Variants in HACD1 observed in about 807,000 individuals in gnomAD.
The protein encoded by HACD1 is very-long-chain (3R)-3-hydroxyacyl-CoA dehydratase 1.
Under a neutral mutation model 32.0 loss-of-function variants are expected in HACD1, and 41 were observed. The observed-to-expected ratio is 1.28, with a 90% confidence interval of 1.00 to 1.66. The LOEUF (loss-of-function observed/expected upper bound fraction) is 1.66. Among genes scored for constraint, HACD1 ranks in the 40% most tolerant of loss-of-function variants. HACD1 has a pLI of 0.00. For missense variants in HACD1, 396 were observed against 380.1 expected (o/e 1.04, Z -0.35); for synonymous variants, 142 against 139.0 (o/e 1.02, Z -0.15).
At chr10:17,610,485 C>T (rs942609559) in intron 1 of HACD1, among the ~76,000 whole-genome samples, 1 of 151,968 alleles carries the variant, frequency 6.6e-6, no homozygotes, top group Non-Finnish European at 1.5e-5. Context: ...CTTGTTTCTA[C>T]AAAAAATTTA....
At chr10:17,607,176 A>G (rs2131516235) in intron 1 of HACD1, among the ~76,000 whole-genome samples, 1 of 152,338 alleles carries the variant, frequency 6.6e-6, no homozygotes, top group African/African-American at 2.4e-5. Context: ...TAGATGAGAT[A>G]ATCATCTTCC....
At chr10:17,614,851 C>T (rs1470735952) in intron 1 of HACD1, among the ~76,000 whole-genome samples, 1 of 152,130 alleles carries the variant, frequency 6.6e-6, no homozygotes, top group Non-Finnish European at 1.5e-5. Context: ...CTCCCGGGTT[C>T]ACGCCATTCT....
intron 5 of HACD1, 32 bp downstream of exon 5, chr10:17,599,258 C>G: frequency 1.9e-6 from 3 of 1,611,862 alleles, no homozygotes; most frequent in Non-Finnish European, 2.5e-6. Context: ...ATGCACAGGA[C>G]AAGGAGAAAC....
rs1833106282 is a variant in HACD1, at chr10:17,617,268, G to A, written c.72C>T (p.Pro24=). 6.8e-7 allele frequency: 1 copy of A among 1,472,260 alleles called. No homozygotes were observed. Among genetic ancestry groups the A allele is most frequent in the Non-Finnish European group, 8.9e-7 (1 of 1,117,572 alleles). The allele number at this position is 1,472,260 out of a possible 1,614,324, so 91.2% of individuals were successfully genotyped here. A position where few individuals can be genotyped will look rare whatever the true frequency, so the allele number is the denominator to read the frequency against. Residue 24 remains proline (P), a synonymous_variant, in exon 1 of 7, where the codon CCC becomes CCT. Transcript: ENST00000361271. ...ACGTGGGAGACAGCGGCAGGAGCGT[G>A]GGAGGGGACCCTGCCCAGCCTGCAG... ...SRAAGWAGSP[P]TLLPLSPTSP...
At chr10:17,608,630 G>A (rs1460009111) in intron 1 of HACD1, among the ~76,000 whole-genome samples, 1 of 151,872 alleles carries the variant, frequency 6.6e-6, no homozygotes, top group Non-Finnish European at 1.5e-5. Flanking sequence ...GGGATTACAG[G>A]TACCTGCCAC....
In HACD1 at chr10:17,603,612, T is replaced by G. The variant is rs782542355; in HGVS notation, c.431A>C (p.Gln144Pro). 1 of 1,613,810 alleles carries G rather than the reference T, an allele frequency of 6.2e-7. No individual in the cohort carries two copies. Among genetic ancestry groups the G allele is most frequent in the Non-Finnish European group, 8.5e-7 (1 of 1,179,754 alleles). Reference protein sequence around the residue: ...VPTSVIVTGVQVSSRIFMVWL... With the variant: ...VPTSVIVTGVPVSSRIFMVWL... The stretch of plus-strand genomic sequence containing the variant: ...CACCATAAAGATTCTTGAACTCACT[T>G]GGACCCCAGTCACAATCACAGAAGT... Residue 144 changes from glutamine to proline, a missense_variant, in exon 4 of 7, where the codon CAA becomes CCA. Gln to Pro is a moderately conservative substitution (Grantham distance 76). Coordinates refer to ENST00000361271, the MANE Select transcript of HACD1 (RefSeq NM_014241.4).
At chr10:17,616,162 G>A (rs911096568) in intron 1 of HACD1, among the ~76,000 whole-genome samples, 3 of 151,924 alleles carry the variant, frequency 2.0e-5, no homozygotes, top group Admixed American at 1.3e-4. Flanking sequence ...CCAGCTACTC[G>A]GGAGGCTGAG....
chr10:17,597,723 A>C (rs970271515), intron 5 of HACD1, among the ~76,000 whole-genome samples: 1 of 152,224 alleles, frequency 6.6e-6, no homozygotes, highest in Non-Finnish European at 1.5e-5. Context: ...GATGTGTTCT[A>C]GGATTAGAGT....
chr10:17,592,894 T>C (rs1833946762), intron 6 of HACD1, among the ~76,000 whole-genome samples: 2 of 152,144 alleles, frequency 1.3e-5, no homozygotes, highest in Admixed American at 1.3e-4. Flanking sequence ...ATTTTGACTT[T>C]GGGAAAGATA....
At chr10:17,608,464 G>A (rs1834179873) in intron 1 of HACD1, among the ~76,000 whole-genome samples, 1 of 152,050 alleles carries the variant, frequency 6.6e-6, no homozygotes, top group Non-Finnish European at 1.5e-5. Flanking sequence ...GGCTTGGACC[G>A]AAGATAGTCT....
Position 17,617,249 on chromosome 10 carries a change from G to C in HACD1, c.91C>G (p.Pro31Ala). ...GTGGCCGCGCACCTGGGGGACGTGG[G>C]AGACAGCGGCAGGAGCGTGGGAGGG... is the stretch of plus-strand genomic sequence containing the variant. Reference protein sequence around the residue: ...GSPPTLLPLSPTSPRCAATMA... With the variant: ...GSPPTLLPLSATSPRCAATMA... Residue 31 changes from proline to alanine, a missense_variant, in exon 1 of 7, where the codon CCC (proline) becomes GCC (alanine). Coordinates refer to ENST00000361271, the MANE Select transcript of HACD1 (RefSeq NM_014241.4). The C allele has an allele frequency of 6.8e-7, 1 of 1,480,932 alleles. No individual in the cohort carries two copies. The highest frequency in any genetic ancestry group is 8.9e-7 in the Non-Finnish European group (1 of 1,121,368). 91.7% of individuals were successfully genotyped at this position (1,480,932 alleles called of 1,614,324 possible).
intron 6 of HACD1, among the ~76,000 whole-genome samples, chr10:17,593,769 C>T (rs782097574): frequency 3.3e-5 from 5 of 152,148 alleles, no homozygotes; most frequent in Non-Finnish European, 7.4e-5. Flanking sequence ...ACAAATAAGA[C>T]TCAAAACTAC....
chr10:17,611,208 G>A (rs1489993418), intron 1 of HACD1, among the ~76,000 whole-genome samples: 13 of 152,058 alleles, frequency 8.5e-5, no homozygotes, highest in African/African-American at 3.1e-4. Flanking sequence ...CACTGTGTTA[G>A]CCAGGATGGT....
At chr10:17,617,000 A>G in intron 1 of HACD1, 83 bp downstream of exon 1, 2 of 1,272,668 alleles carry the variant, frequency 1.6e-6, no homozygotes, top group Non-Finnish European at 2.0e-6. Context: ...CGCCCCTTAC[A>G]CCCCGGCCCG....
chr10:17,590,159 G>T lies in HACD1; in HGVS notation c.*205C>A. ...CCTAATAATCAATACCTACCCAAAA[G>T]TTACTGATATTTGCACAGTTCTTGT... On this transcript the variant is annotated 3_prime_UTR_variant, in exon 7 of 7. Transcript: ENST00000361271. 1 of 343,132 alleles carries T rather than the reference G, an allele frequency of 2.9e-6. No homozygotes were observed. The highest frequency in any genetic ancestry group is 4.6e-5 in the East Asian group (1 of 21,742). 21.3% of individuals were successfully genotyped at this position (343,132 alleles called of 1,614,324 possible). A position where few individuals can be genotyped will look rare whatever the true frequency, so the allele number is the denominator to read the frequency against.
intron 1 of HACD1, among the ~76,000 whole-genome samples, chr10:17,608,924 A>G (rs1361157683): frequency 6.6e-6 from 1 of 152,196 alleles, no homozygotes; most frequent in African/African-American, 2.4e-5. Flanking sequence ...GTCAAGCTGA[A>G]AGATTCATAA....
chr10:17,594,316 A>T lies in HACD1; in HGVS notation c.673T>A (p.Leu225Met), dbSNP rs928133735. The part of the protein sequence containing the change: ...AGELLTIYAA[L>M]PHVKKTGMFS... ...ATTCCTGTTTTCTTCACATGCGGCA[A>T]GGCAGCGTATATTGTAAGAAGTTCA... is the stretch of plus-strand genomic sequence containing the variant. Residue 225 changes from leucine (L) to methionine (M), a missense_variant, in exon 6 of 7, where the codon TTG becomes ATG. Leu to Met is a conservative substitution (Grantham distance 15, BLOSUM62 2). Transcript: ENST00000361271. 6.2e-7 allele frequency: 1 copy of T among 1,603,986 alleles called. No individual in the cohort carries two copies. Among genetic ancestry groups the T allele is most frequent in the Admixed American group, 1.7e-5 (1 of 58,786 alleles).
In HACD1 at chr10:17,607,630, A is replaced by G. The variant is rs531860402; in HGVS notation, c.258-3583T>C. Among the ~76,000 whole-genome samples the G allele has an allele frequency of 2.4e-4, 37 of 152,288 alleles. 1 individual carries two copies. The East Asian group carries it at 4.4e-3, about 18-fold the overall frequency. ...CAAGTTTTCTACATTTTTAAACAGC[A>G]TTGTATAAAAATCCATGCATCGTTA... On this transcript the variant is annotated intron_variant, in intron 1 of 6. Coordinates refer to ENST00000361271, the MANE Select transcript of HACD1 (RefSeq NM_014241.4).
chr10:17,608,463 C>T (rs1054209366), intron 1 of HACD1, among the ~76,000 whole-genome samples: 1 of 152,070 alleles, frequency 6.6e-6, no homozygotes, highest in Admixed American at 6.6e-5. Flanking sequence ...AGGCTTGGAC[C>T]GAAGATAGTC....
Sources: allele counts gnomAD v4.1 joint callset (sites outside exome capture counted in the v4.1 genomes callset), GRCh38; gene constraint gnomAD v4.1.1; transcripts MANE v1.5; gene names NCBI Gene and HGNC (gene_info 2026-07-23, HGNC 2026-07-21).